HGF: variants seen among roughly 807,000 people sequenced by gnomAD.
HGF encodes hepatocyte growth factor, also known as fibroblast-derived tumor cytotoxic factor.
A neutral mutation model predicts 111.6 loss-of-function variants in HGF; 39 were observed. The ratio of observed to expected loss-of-function variants is 0.35; its 90% CI spans 0.27 to 0.46. The LOEUF (loss-of-function observed/expected upper bound fraction) is 0.46, where lower values mean the gene tolerates loss of function less well. HGF is among the 20% of genes least tolerant of loss of function. The probability of loss-of-function intolerance (pLI) is 1.00; values close to 1 mark genes in which losing one functional copy is unlikely to be tolerated. For missense variants in HGF, 735 were observed against 910.5 expected (o/e 0.81, Z 2.48); for synonymous variants, 285 against 294.8 (o/e 0.97, Z 0.34).
At chr7:81,750,318 T>G (rs1214073193) in intron 5 of HGF, among the ~76,000 whole-genome samples, 1 of 152,184 alleles carries the variant, frequency 6.6e-6, no homozygotes, top group Admixed American at 6.5e-5. Flanking sequence ...GGGCAGATGT[T>G]GGTTCCCTTC....
intron 6 of HGF, among the ~76,000 whole-genome samples, chr7:81,743,788 G>A (rs937750943): frequency 6.6e-6 from 1 of 152,128 alleles, no homozygotes; most frequent in Non-Finnish European, 1.5e-5. Context: ...ATGACTTCAT[G>A]TAGAATGCTC....
In HGF at chr7:81,699,535, T is replaced by C. The variant is rs1477728821; in HGVS notation, c.*3046A>G. ...TATTTTTTGAATCTCAATAAATTGA[T>C]TTAAGGCTTTTTAGTATAAGATCTT... On this transcript the variant is annotated 3_prime_UTR_variant, in exon 18 of 18. Transcript: ENST00000222390. 2.0e-5 allele frequency: 3 copies of C among 151,674 alleles called. No homozygotes were observed. Among genetic ancestry groups the C allele is most frequent in the Non-Finnish European group, 4.4e-5 (3 of 67,702 alleles). The allele number at this position is 151,674 out of a possible 1,614,324, so 9.4% of individuals were successfully genotyped here.
rs1356790473 is a variant in HGF at position 81,743,393 on chromosome 7, G to T, written c.825C>A (p.Asp275Glu). 1.2e-6 allele frequency: 2 copies of T among 1,612,972 alleles called. No individual in the cohort carries two copies. The highest frequency in any genetic ancestry group is 1.7e-6 in the Non-Finnish European group (2 of 1,179,086). The part of the protein sequence containing the change: ...GQPRPWCYTL[D>E]PHTRWEYCAI... ...CACAGTACTCCCAGCGGGTGTGAGG[G>T]TCAAGAGTATAGCACCATGGCCTCG... Residue 275 changes from aspartate (D) to glutamate (E), a missense_variant, in exon 7 of 18, where the codon GAC (aspartate) becomes GAA (glutamate). Asp to Glu is a conservative substitution (Grantham distance 45). Around this residue, in one of 3 missense-constraint regions of HGF, gnomAD observed 553 missense variants for 685.6 expected, o/e 0.81. Transcript: ENST00000222390.
At chr7:81,712,896 T>G (rs970973608) in intron 11 of HGF, among the ~76,000 whole-genome samples, 3 of 152,194 alleles carry the variant, frequency 2.0e-5, no homozygotes, top group Non-Finnish European at 4.4e-5. Flanking sequence ...AATAGGTTAA[T>G]GGTAAACATA....
rs947793822 is a variant in HGF, at chr7:81,713,292, C to T, written c.1406-1773G>A. On this transcript the variant is annotated intron_variant, in intron 11 of 17. Transcript: ENST00000222390. ...CTGTAATCCCAGCATTCTGGGAGGC[C>T]GAGGCGGATGGATCACAAGGTCAGG... 7.9e-5 allele frequency among the ~76,000 whole-genome samples: 12 copies of T among 151,808 alleles called. No individual in the cohort carries two copies. The South Asian group carries it at 8.3e-4, about 11-fold the overall frequency.
At chr7:81,722,829 A>G (rs1431790348) in intron 9 of HGF, among the ~76,000 whole-genome samples, 2 of 148,242 alleles carry the variant, frequency 1.3e-5, no homozygotes, top group Non-Finnish European at 3.0e-5. Flanking sequence ...AAAAAAAAAA[A>G]AAGAAATTTA....
chr7:81,706,744 CTTTG>C (rs1049478531), intron 14 of HGF, among the ~76,000 whole-genome samples: 3 of 151,890 alleles, frequency 2.0e-5, no homozygotes, highest in African/African-American at 7.3e-5. Flanking sequence ...GCAAATTTTG[CTTTG>C]TTTATGTCAG....
At chr7:81,747,858 A>T (rs1010031918) in intron 5 of HGF, among the ~76,000 whole-genome samples, 2 of 152,070 alleles carry the variant, frequency 1.3e-5, no homozygotes, top group Admixed American at 1.3e-4. Context: ...GCTTGAACCC[A>T]GGAGGTGGAG....
At chr7:81,723,129 C>G (rs552047318) in intron 9 of HGF, among the ~76,000 whole-genome samples, 20 of 151,964 alleles carry the variant, frequency 1.3e-4, no homozygotes, top group African/African-American at 4.6e-4. Context: ...CACAAGTTTA[C>G]CTATGTAACA....
intron 12 of HGF, among the ~76,000 whole-genome samples, chr7:81,710,540 G>A (rs1789546654): frequency 6.6e-6 from 1 of 152,080 alleles, no homozygotes; most frequent in South Asian, 2.1e-4. Context: ...AAGCTCCTCA[G>A]GTCTAATCCC....
intron 11 of HGF, among the ~76,000 whole-genome samples, chr7:81,713,780 C>T (rs888416428): frequency 6.6e-6 from 1 of 152,026 alleles, no homozygotes; most frequent in Non-Finnish European, 1.5e-5. Flanking sequence ...ATGCCTTTTC[C>T]ATTTCACTGC....
intron 7 of HGF, among the ~76,000 whole-genome samples, chr7:81,733,695 AC>A (rs1267783917): frequency 6.6e-6 from 1 of 152,152 alleles, no homozygotes; most frequent in Non-Finnish European, 1.5e-5. Flanking sequence ...CGACAAGGTA[AC>A]TAAATAGTTT....
intron 7 of HGF, among the ~76,000 whole-genome samples, chr7:81,730,217 G>T (rs1286075812): frequency 1.3e-5 from 2 of 152,138 alleles, no homozygotes; most frequent in Non-Finnish European, 2.9e-5. Context: ...GGGAAGCTGA[G>T]GTGGGTGGAT....
chr7:81,721,856 A>G (rs1169420718), intron 9 of HGF, among the ~76,000 whole-genome samples: 2 of 152,238 alleles, frequency 1.3e-5, no homozygotes, highest in Non-Finnish European at 2.9e-5. Flanking sequence ...CTGAATAAAT[A>G]TCCTAATGCC....
At chr7:81,707,510 A>G (rs1175068654) in intron 13 of HGF, 146 bp from the exon 14 acceptor site, 1 of 645,818 alleles carries the variant, frequency 1.5e-6, no homozygotes, top group Non-Finnish European at 2.8e-6. Flanking sequence ...TAAAATGAGA[A>G]GTTCTTTTAT....
chr7:81,743,162 CA>C (rs1224820466), intron 7 of HGF, among the ~76,000 whole-genome samples, 190 bp downstream of exon 7: 1 of 152,138 alleles, frequency 6.6e-6, no homozygotes, highest in Non-Finnish European at 1.5e-5. Context: ...GCATATTTAT[CA>C]CAGTCAAAAT....
In HGF at chr7:81,758,750, G is replaced by T. The variant is rs1788913282; in HGVS notation, c.309C>A (p.Ser103Arg). 6.2e-7 allele frequency: 1 copy of T among 1,613,190 alleles called. No homozygotes were observed. The highest frequency in any genetic ancestry group is 1.3e-5 in the African/African-American group (1 of 74,958). ...ATTCTTTTTTCACTCCACTTGACATGCTATTGAAGGGGAACCAGAGGCATT... is the reference window on the plus strand; with the variant it reads ...ATTCTTTTTTCACTCCACTTGACATTCTATTGAAGGGGAACCAGAGGCATT... ...RKQCLWFPFN[S>R]MSSGVKKEFG... is the part of the protein sequence containing the mutation. Residue 103 changes from serine (S) to arginine (R), a missense_variant, in exon 3 of 18, where the codon AGC becomes AGA. Ser to Arg is a moderately radical substitution (Grantham distance 110, BLOSUM62 -1). This residue lies in a region of HGF where 553 missense variants were observed against 685.6 expected (regional missense o/e 0.81). Coordinates refer to ENST00000222390, the MANE Select transcript of HGF (RefSeq NM_000601.6).
chr7:81,703,145 G>A (rs1789330977), intron 17 of HGF, among the ~76,000 whole-genome samples: 1 of 151,150 alleles, frequency 6.6e-6, no homozygotes, highest in Non-Finnish European at 1.5e-5. Context: ...AGGAAATTTG[G>A]AACATGTAGA....
intron 11 of HGF, among the ~76,000 whole-genome samples, chr7:81,712,377 T>C (rs570025252): frequency 7.9e-5 from 12 of 152,170 alleles, no homozygotes; most frequent in Non-Finnish European, 1.5e-4. Context: ...AGAAGATAGA[T>C]ATCAATGTCA....
Sources: gnomAD v4.1 joint callset for allele counts (sites outside exome capture counted in the v4.1 genomes callset) on GRCh38, gnomAD v4.1.1 for gene constraint, gnomAD v4.1.1 regional missense constraint, MANE v1.5 for transcripts, NCBI Gene and HGNC (gene_info 2026-07-23, HGNC 2026-07-21) for gene names.